The following TPH2 variants were observed in gnomAD, a reference collection of about 807,000 sequenced individuals.
TPH2 encodes the protein tryptophan 5-hydroxylase 2.
TPH2 carries 27 observed loss-of-function variants against 59.1 expected under a neutral mutation model. That is an observed-to-expected ratio of 0.46 (90% CI 0.34 to 0.63). The LOEUF (loss-of-function observed/expected upper bound fraction) is 0.63, where lower values mean the gene tolerates loss of function less well. Ranked by LOEUF, TPH2 falls within the 30% of genes least tolerant of loss-of-function variation. TPH2 has a pLI of 0.01. For missense variants in TPH2, 523 were observed against 588.3 expected, an observed-to-expected ratio of 0.89 and a Z score of 1.15; for synonymous variants, 220 against 210.5, an observed-to-expected ratio of 1.05 and a Z score of -0.39.
At chr12:71,953,341 A>G (rs1268727151) in intron 5 of TPH2, among the ~76,000 whole-genome samples, 1 of 152,066 alleles carries the variant, frequency 6.6e-6, no homozygotes, top group East Asian at 1.9e-4. Context: ...TCATTGCTAA[A>G]GTTTCTCTGA....
chr12:71,980,043 C>T (rs1424241199), intron 7 of TPH2, among the ~76,000 whole-genome samples: 1 of 152,118 alleles, frequency 6.6e-6, no homozygotes, highest in Non-Finnish European at 1.5e-5. Flanking sequence ...ACAAATAGAG[C>T]ATGGCAAGGA....
In TPH2 at chr12:71,949,766, A is replaced by G; in HGVS notation, c.608+111A>G. On this transcript the variant is annotated intron_variant, in intron 5 of 10. Transcript: ENST00000333850. ...TAACTTTTGCAGAAAGCAGGTGTGAACCATTTTAAACACTCACCAACTCTG... is the reference window on the plus strand; with the variant it reads ...TAACTTTTGCAGAAAGCAGGTGTGAGCCATTTTAAACACTCACCAACTCTG... 17 of 854,802 alleles carry G rather than the reference A, an allele frequency of 2.0e-5. No homozygotes were observed. In the South Asian group the frequency reaches 2.0e-4, roughly 10 times the overall value. The allele number at this position is 854,802 out of a possible 1,614,324, so 53.0% of individuals were successfully genotyped here.
intron 8 of TPH2, among the ~76,000 whole-genome samples, chr12:72,005,438 TA>T (rs1246033096): frequency 6.6e-6 from 1 of 152,082 alleles, no homozygotes; most frequent in East Asian, 1.9e-4. Flanking sequence ...GGAAGGAAAA[TA>T]AAGATCATCT....
intron 5 of TPH2, among the ~76,000 whole-genome samples, chr12:71,969,050 G>A (rs1466981240): frequency 6.6e-6 from 1 of 152,202 alleles, no homozygotes; most frequent in Non-Finnish European, 1.5e-5. Flanking sequence ...TTGGGAGGCC[G>A]AGGCGGGCGG....
chr12:71,986,430 T>G (rs967534381), intron 7 of TPH2, among the ~76,000 whole-genome samples: 1 of 152,126 alleles, frequency 6.6e-6, no homozygotes, highest in African/African-American at 2.4e-5. Context: ...ACCCCTGAGA[T>G]TTCTTATAGA....
intron 8 of TPH2, among the ~76,000 whole-genome samples, chr12:72,019,741 A>C (rs1298775592): frequency 6.6e-6 from 1 of 152,184 alleles, no homozygotes; most frequent in African/African-American, 2.4e-5. Context: ...TGTTCATTGC[A>C]TATCCTTAGC....
At chr12:71,989,781 C>T (rs1872536685) in intron 7 of TPH2, among the ~76,000 whole-genome samples, 1 of 152,172 alleles carries the variant, frequency 6.6e-6, no homozygotes, top group Admixed American at 6.5e-5. Flanking sequence ...TTCTTCATAG[C>T]AAAATGATGG....
chr12:71,940,908 T>C lies in TPH2; in HGVS notation c.106-676T>C, dbSNP rs181806288. Among the ~76,000 whole-genome samples, 122 of 152,294 alleles carry C rather than the reference T, an allele frequency of 8.0e-4. 3 individuals carry two copies. In the East Asian group the frequency reaches 0.014, roughly 17 times the overall value. On this transcript the variant is annotated intron_variant, in intron 1 of 10. Transcript: ENST00000333850. ...GGCCAGGTTTCTTCCTTCCTGCCTT[T>C]CTCCTTTTTTCCTTTTATTTGTCAC...
chr12:71,942,094 T>C (rs1015487568), intron 2 of TPH2, among the ~76,000 whole-genome samples: 1 of 152,192 alleles, frequency 6.6e-6, no homozygotes, highest in African/African-American at 2.4e-5. Context: ...TGTTCAAATT[T>C]GAATTTACAC....
At chr12:72,003,631 T>C (rs1872879547) in intron 8 of TPH2, among the ~76,000 whole-genome samples, 1 of 152,332 alleles carries the variant, frequency 6.6e-6, no homozygotes, top group East Asian at 1.9e-4. Context: ...TTTGATATTG[T>C]AGCCCAGGCT....
At chr12:72,000,520 A>G (rs1396634419) in intron 8 of TPH2, among the ~76,000 whole-genome samples, 1 of 152,194 alleles carries the variant, frequency 6.6e-6, no homozygotes, top group African/African-American at 2.4e-5. Context: ...ATCTCACATC[A>G]TGCTGCTGCT....
Position 71,948,836 on chromosome 12 carries a change from GAA to G in TPH2, c.541-750_541-749del, listed in dbSNP as rs202212558. Among the ~76,000 whole-genome samples the G allele has an allele frequency of 7.8e-3, 1,187 of 152,318 alleles. 19 individuals are homozygous for G. The highest frequency in any genetic ancestry group is 0.027 in the African/African-American group (1,115 of 41,570). ...AAAGTGCTTAAAGGAAAGGAAAATG[GAA>G]AGTCTGTTGACAAGAGGAGAGATTT... On this transcript the variant is annotated intron_variant, in intron 4 of 10. Transcript: ENST00000333850.
At chr12:72,009,564 C>T (rs752760308) in intron 8 of TPH2, among the ~76,000 whole-genome samples, 6 of 152,226 alleles carry the variant, frequency 3.9e-5, no homozygotes, top group Non-Finnish European at 5.9e-5. Context: ...AATCTCAGCT[C>T]TCTTGAGCAG....
chr12:72,023,413 T>A (rs1873476398), intron 9 of TPH2, among the ~76,000 whole-genome samples: 1 of 151,816 alleles, frequency 6.6e-6, no homozygotes, highest in Non-Finnish European at 1.5e-5. Context: ...TTTTATTGAG[T>A]CTGGTCATTT....
At chr12:71,975,563 G>A (rs2139206022) in intron 6 of TPH2, among the ~76,000 whole-genome samples, 1 of 152,030 alleles carries the variant, frequency 6.6e-6, no homozygotes, top group East Asian at 1.9e-4. Context: ...CTTGCTGTGG[G>A]CTCTCTTTAC....
intron 7 of TPH2, among the ~76,000 whole-genome samples, chr12:71,983,414 G>A (rs1319431051): frequency 6.6e-6 from 1 of 152,182 alleles, no homozygotes. Flanking sequence ...CAAATTCAAA[G>A]TTATTCCAAT....
At chr12:72,024,105 A>G (rs942031902) in intron 9 of TPH2, among the ~76,000 whole-genome samples, 3 of 152,196 alleles carry the variant, frequency 2.0e-5, no homozygotes, top group African/African-American at 7.2e-5. Context: ...CCCTGCCATC[A>G]AAGAGTTTAC....
rs750159932 is a variant in TPH2 at position 71,994,469 on chromosome 12, T to C, written c.972T>C (p.Val324=). Residue 324 remains valine, a synonymous_variant, in exon 8 of 11, where the codon GTT becomes GTC. Coordinates refer to ENST00000333850, the MANE Select transcript of TPH2 (RefSeq NM_173353.4). The stretch of plus-strand genomic sequence containing the variant: ...CATGCCATGAACTCTTGGGACATGT[T>C]CCACTACTTGCGGATCCTAAGTTTG... ...PDTCHELLGH[V]PLLADPKFAQ... The C allele has an allele frequency of 3.1e-6, 5 of 1,614,006 alleles. No individual in the cohort carries two copies. In the South Asian group the frequency reaches 5.5e-5, roughly 18 times the overall value.
At position 71,944,401 on chromosome 12, in the gene TPH2, G is replaced by A. The variant is rs1373420958; in HGVS notation, c.363G>A (p.Glu121=). The change falls in exon 3 of 11, where the codon GAG becomes GAA. Residue 121 remains glutamate (E), a synonymous_variant. Coordinates refer to ENST00000333850, the MANE Select transcript of TPH2 (RefSeq NM_173353.4). ...DCECGKTEFN[E]LIQLLKFQTT... ...AGTGTGGGAAAACAGAATTCAATGA[G>A]CTCATTCAGTTGCTGAAATTTCAAA... 9.3e-6 allele frequency: 15 copies of A among 1,613,934 alleles called. No individual in the cohort carries two copies. Among genetic ancestry groups the A allele is most frequent in the Non-Finnish European group, 1.1e-5 (13 of 1,179,884 alleles).
Sources: allele counts gnomAD v4.1 joint callset (sites outside exome capture counted in the v4.1 genomes callset), GRCh38; gene constraint gnomAD v4.1.1; transcripts MANE v1.5; gene names NCBI Gene and HGNC (gene_info 2026-07-23, HGNC 2026-07-21).